Variants in CDC42BPA observed in about 807,000 individuals in gnomAD.
The protein encoded by CDC42BPA is CDC42 binding protein kinase alpha.
Under a neutral mutation model 223.5 loss-of-function variants are expected in CDC42BPA, and 80 were observed. That is an observed-to-expected ratio of 0.36 (90% CI 0.30 to 0.43). The LOEUF is 0.43. Among genes scored for constraint, CDC42BPA ranks in the 20% least tolerant of loss-of-function variants. The probability of loss-of-function intolerance (pLI) is 1.00; values close to 1 mark genes in which losing one functional copy is unlikely to be tolerated. For missense variants in CDC42BPA, 1,743 were observed against 2,099.9 expected (o/e 0.83, Z 3.32); for synonymous variants, 694 against 718.6 (o/e 0.97, Z 0.55).
intron 2 of CDC42BPA, among the ~76,000 whole-genome samples, chr1:227,253,413 C>T (rs953283168): frequency 1.2e-4 from 18 of 152,076 alleles, no homozygotes; most frequent in African/African-American, 3.6e-4. Context: ...CTGACCAACA[C>T]GGCAAAAACC....
At chr1:227,148,870 GGTCA>G (rs1287675854) in intron 6 of CDC42BPA, among the ~76,000 whole-genome samples, 2 of 150,960 alleles carry the variant, frequency 1.3e-5, no homozygotes, top group Non-Finnish European at 2.9e-5. Flanking sequence ...GATTCTTAGA[GGTCA>G]GTAATCAAGA....
At chr1:227,174,421 A>T (rs1473449466) in intron 5 of CDC42BPA, among the ~76,000 whole-genome samples, 1 of 152,204 alleles carries the variant, frequency 6.6e-6, no homozygotes, top group Non-Finnish European at 1.5e-5. Context: ...CTAAGCTGAA[A>T]GAGAAGAAAT....
intron 31 of CDC42BPA, among the ~76,000 whole-genome samples, chr1:227,024,947 T>C (rs1667988454): frequency 6.6e-6 from 1 of 152,088 alleles, no homozygotes; most frequent in Non-Finnish European, 1.5e-5. Flanking sequence ...AATTACATGA[T>C]AAAAATCAAA....
chr1:227,075,873 T>C (rs1006877919), intron 17 of CDC42BPA, among the ~76,000 whole-genome samples: 1 of 152,214 alleles, frequency 6.6e-6, no homozygotes, highest in Non-Finnish European at 1.5e-5. Flanking sequence ...TCCAAGAAAC[T>C]GTGAAGTCCA....
intron 11 of CDC42BPA, 28 bp downstream of exon 11, chr1:227,129,081 G>T (rs1281334343): frequency 3.0e-6 from 4 of 1,327,206 alleles, no homozygotes; most frequent in South Asian, 1.3e-5. Context: ...TTCCTAAATT[G>T]AATTAACAGT....
intron 32 of CDC42BPA, among the ~76,000 whole-genome samples, chr1:227,022,981 T>C (rs551242551): frequency 1.3e-5 from 2 of 152,316 alleles, no homozygotes; most frequent in East Asian, 3.9e-4. Context: ...ACAGAAGACA[T>C]AATCAGCTAC....
intron 17 of CDC42BPA, among the ~76,000 whole-genome samples, chr1:227,077,949 C>G (rs1679850774): frequency 6.6e-6 from 1 of 152,122 alleles, no homozygotes; most frequent in African/African-American, 2.4e-5. Flanking sequence ...ACATTACCTT[C>G]TACTTCATTC....
chr1:227,129,036 A>AT (rs1477910572), intron 11 of CDC42BPA, 73 bp downstream of exon 11: 1 of 1,003,358 alleles, frequency 1.0e-6, no homozygotes, highest in African/African-American at 1.6e-5. Flanking sequence ...TTCTCAATAG[A>AT]TGTTTTTTGT....
At chr1:227,253,248 G>GAGAGAGAGAGCA (rs1682371785) in intron 2 of CDC42BPA, among the ~76,000 whole-genome samples, 2 of 137,412 alleles carry the variant, frequency 1.5e-5, no homozygotes, top group Middle Eastern at 7.0e-3. Flanking sequence ...GAAAGAGAGC[G>GAGAGAGAGAGCA]AGAGAGAGAG....
chr1:227,076,299 C>T (rs1018249162), intron 17 of CDC42BPA, among the ~76,000 whole-genome samples: 1 of 152,120 alleles, frequency 6.6e-6, no homozygotes, highest in African/African-American at 2.4e-5. Context: ...CTCCGTTGCC[C>T]ATGCTAAAGT....
intron 30 of CDC42BPA, among the ~76,000 whole-genome samples, chr1:227,027,542 T>C (rs1668491614): frequency 6.6e-6 from 1 of 152,216 alleles, no homozygotes; most frequent in Non-Finnish European, 1.5e-5. Flanking sequence ...AGGGTTTTTT[T>C]TCCCTTCAGC....
intron 21 of CDC42BPA, among the ~76,000 whole-genome samples, chr1:227,066,068 G>A (rs993151223): frequency 6.6e-6 from 1 of 152,146 alleles, no homozygotes; most frequent in Non-Finnish European, 1.5e-5. Context: ...TTGGCACAGA[G>A]AACAACAGAG....
intron 11 of CDC42BPA, among the ~76,000 whole-genome samples, chr1:227,124,346 A>T (rs1325247307): frequency 6.6e-6 from 1 of 152,220 alleles, no homozygotes; most frequent in Non-Finnish European, 1.5e-5. Flanking sequence ...GACTTTGCTC[A>T]AGAAGTATCT....
At chr1:227,100,907 G>C in intron 15 of CDC42BPA, 85 bp downstream of exon 15, 1 of 889,356 alleles carries the variant, frequency 1.1e-6, no homozygotes, top group Non-Finnish European at 1.7e-6. Flanking sequence ...TCTAGGATAT[G>C]TTTATTGTCT....
At chr1:227,285,583 A>G (rs1688678789) in intron 1 of CDC42BPA, among the ~76,000 whole-genome samples, 1 of 152,232 alleles carries the variant, frequency 6.6e-6, no homozygotes, top group East Asian at 1.9e-4. Flanking sequence ...GACTGTCAGT[A>G]TCTGATACTC....
intron 3 of CDC42BPA, among the ~76,000 whole-genome samples, chr1:227,208,721 G>C (rs1572376003): frequency 6.6e-6 from 1 of 151,904 alleles, no homozygotes; most frequent in East Asian, 1.9e-4. Flanking sequence ...CTATATCTCT[G>C]TTTTGGTACC....
chr1:227,101,371 T>C lies in CDC42BPA; in HGVS notation c.2002-132A>G, dbSNP rs1685030395. 7 of 533,536 alleles carry C rather than the reference T, an allele frequency of 1.3e-5. No homozygotes were observed. The South Asian group carries it at 1.8e-4, about 14-fold the overall frequency. 33.1% of individuals were successfully genotyped at this position (533,536 alleles called of 1,614,324 possible). On this transcript the variant is annotated intron_variant, in intron 14 of 36. Coordinates refer to ENST00000366766, the MANE Select transcript of CDC42BPA (RefSeq NM_001394014.1). Reference sequence around the variant, plus strand: ...ACATCCTAACAAAAATAAAATTCTATGTTAAATCTACTAACTTTTTGCCTG... The same window carrying C: ...ACATCCTAACAAAAATAAAATTCTACGTTAAATCTACTAACTTTTTGCCTG...
intron 21 of CDC42BPA, among the ~76,000 whole-genome samples, chr1:227,058,958 T>C (rs1675194150): frequency 1.3e-5 from 2 of 151,944 alleles, no homozygotes; most frequent in Middle Eastern, 3.2e-3. Context: ...CAAATCATTT[T>C]TGAATGTTGT....
At chr1:227,197,386 G>A (rs1383674790) in intron 4 of CDC42BPA, among the ~76,000 whole-genome samples, 5 of 152,040 alleles carry the variant, frequency 3.3e-5, no homozygotes, top group Admixed American at 3.3e-4. Flanking sequence ...AGAAACACTG[G>A]CAAGTTACAG....
Sources: allele counts gnomAD v4.1 joint callset (sites outside exome capture counted in the v4.1 genomes callset), GRCh38; gene constraint gnomAD v4.1.1; transcripts MANE v1.5; gene names NCBI Gene and HGNC (gene_info 2026-07-23, HGNC 2026-07-21).